The following ADAM7 variants were observed in gnomAD, a reference collection of about 807,000 sequenced individuals.
ADAM7 encodes the protein disintegrin and metalloproteinase domain-containing protein 7.
In ADAM7, 97 loss-of-function variants were observed where a neutral mutation model predicts 102.9. The observed-to-expected ratio is 0.94, with a 90% CI of 0.80 to 1.12. The LOEUF (loss-of-function observed/expected upper bound fraction) is 1.12. Ranked by LOEUF, ADAM7 falls within the 50% of genes most tolerant of loss-of-function variation. The pLI, the probability that ADAM7 is intolerant of heterozygous loss-of-function variation, is 0.00. For synonymous variants in ADAM7, 334 were observed against 304.4 expected (o/e 1.10, Z -1.01); for missense variants, 991 against 908.7 (o/e 1.09, Z -1.16).
At chr8:24,506,570 C>T (rs1368365797) in intron 20 of ADAM7, among the ~76,000 whole-genome samples, 1 of 152,122 alleles carries the variant, frequency 6.6e-6, no homozygotes, top group African/African-American at 2.4e-5. Context: ...CACTCTAGTC[C>T]TGGCCCCTGT....
rs779700956 is a variant in ADAM7 at position 24,500,260 on chromosome 8, A to G, written c.2002+4A>G. The G allele has an allele frequency of 6.2e-7, 1 of 1,603,212 alleles. No individual in the cohort carries two copies. Among genetic ancestry groups the G allele is most frequent in the Middle Eastern group, 1.7e-4 (1 of 6,020 alleles). ...GAAGAAACCTTACATGTTACCAGTGAGCATCCTAAAACAAAATCTTTCATA... is the reference window on the plus strand; with the variant it reads ...GAAGAAACCTTACATGTTACCAGTGGGCATCCTAAAACAAAATCTTTCATA... On this transcript the variant is annotated splice_donor_region_variant and intron_variant, in intron 18 of 21. Transcript: ENST00000175238.
intron 13 of ADAM7, 95 bp from the exon 14 acceptor site, chr8:24,491,808 C>CT (rs1820367568): frequency 1.2e-5 from 13 of 1,078,370 alleles, no homozygotes; most frequent in Non-Finnish European, 1.5e-5. Flanking sequence ...TCCTTAAAAC[C>CT]TTTTTTGGAT....
At chr8:24,493,345 A>T in intron 16 of ADAM7, 116 bp downstream of exon 16, 1 of 920,250 alleles carries the variant, frequency 1.1e-6, no homozygotes, top group Non-Finnish European at 1.5e-6. Context: ...AAAAATATTG[A>T]CAAGTATTTT....
At chr8:24,499,104 A>T in intron 16 of ADAM7, 132 bp from the exon 17 acceptor site, 1 of 639,352 alleles carries the variant, frequency 1.6e-6, no homozygotes. Flanking sequence ...ACTTATAATT[A>T]AATCATGTAA....
At chr8:24,492,977 A>C (rs1820419102) in intron 15 of ADAM7, 66 bp from the exon 16 acceptor site, 1 of 1,463,116 alleles carries the variant, frequency 6.8e-7, no homozygotes. Context: ...GGGAGGCTCC[A>C]TTGCCAGCCT....
At chr8:24,505,663 T>A (rs947264455) in intron 20 of ADAM7, among the ~76,000 whole-genome samples, 1 of 152,164 alleles carries the variant, frequency 6.6e-6, no homozygotes, top group Non-Finnish European at 1.5e-5. Context: ...TGCTCTGGCA[T>A]CCAGGTCCTC....
rs547501386 is a variant in ADAM7 at position 24,498,300 on chromosome 8, G to A, written c.1843-936G>A. Among the ~76,000 whole-genome samples the A allele has an allele frequency of 8.2e-4, 124 of 151,526 alleles. 4 individuals carry two copies. In the South Asian group the frequency reaches 0.024, roughly 29 times the overall value. On this transcript the variant is annotated intron_variant, in intron 16 of 21. Transcript: ENST00000175238. ...TCAAAAACTTGAATTGAGAGAAAGAGGAAAGAAGTAAAAACATGATAAATT... is the reference window on the plus strand; with the variant it reads ...TCAAAAACTTGAATTGAGAGAAAGAAGAAAGAAGTAAAAACATGATAAATT...
intron 20 of ADAM7, among the ~76,000 whole-genome samples, chr8:24,502,878 A>G (rs1820809189): frequency 6.6e-6 from 1 of 151,100 alleles, no homozygotes; most frequent in Non-Finnish European, 1.5e-5. Context: ...TTATGAGGCC[A>G]ATATTTCTCT....
At chr8:24,499,864 G>A (rs1820694242) in intron 17 of ADAM7, among the ~76,000 whole-genome samples, 2 of 150,570 alleles carry the variant, frequency 1.3e-5, no homozygotes, top group East Asian at 3.9e-4. Flanking sequence ...ATACATATCA[G>A]GTTACCATAT....
rs768260279 is a variant in ADAM7, at chr8:24,491,895, C to T, written c.1357-8C>T. On this transcript the variant is annotated splice_polypyrimidine_tract_variant and splice_region_variant and intron_variant, in intron 13 of 21. Transcript: ENST00000175238. ...CCAGGATTTAGTCTCTTTGTTTTTC[C>T]TCAACAGATAAAAAAAGCAGGGTCC... 10 of 1,585,268 alleles carry T rather than the reference C, an allele frequency of 6.3e-6. No individual in the cohort carries two copies. The Admixed American group carries it at 1.6e-4, about 26-fold the overall frequency.
chr8:24,473,595 T>C (rs779932797), intron 7 of ADAM7, among the ~76,000 whole-genome samples: 1 of 152,192 alleles, frequency 6.6e-6, no homozygotes, highest in Non-Finnish European at 1.5e-5. Context: ...TATAAAAAGA[T>C]ATAGATACCT....
In ADAM7 at chr8:24,490,849, A is replaced by T. The variant is rs146216862; in HGVS notation, c.1317A>T (p.Gly439=). ...CDAHTCVLKP[G]FTCAEGECCE... ...CACACACATGTGTACTGAAGCCAGG[A>T]TTTACTTGTGCAGAAGGAGAATGCT... is the stretch of plus-strand genomic sequence containing the variant. The change falls in exon 13 of 22, where the codon GGA becomes GGT. Residue 439 remains glycine, a synonymous_variant. Transcript: ENST00000175238. The T allele has an allele frequency of 3.7e-5, 59 of 1,613,694 alleles. No individual in the cohort carries two copies. The East Asian group carries it at 1.2e-3, about 34-fold the overall frequency.
At position 24,441,160 on chromosome 8, in the gene ADAM7, G is replaced by T. The variant is rs1292901192; in HGVS notation, c.52G>T (p.Glu18Ter). The T allele has an allele frequency of 3.1e-6, 5 of 1,611,804 alleles. No homozygotes were observed. In the East Asian group the frequency reaches 8.9e-5, roughly 29 times the overall value. ...LMILLIPQVKEKFILGVEGQQ... is the reference protein window; with the variant it reads ...LMILLIPQVK ...GATTTTACTCATTCCTCAGGTTAAA[G>T]GTATGTCTTGCTCTTTTTATCAGGA... The change falls in exon 1 of 22, where the codon GAA (glutamate) becomes TAA (stop). Residue 18 changes from glutamate (E) to a stop codon, truncating the protein, a stop_gained and splice_region_variant. Transcript: ENST00000175238. LOFTEE classifies it high-confidence loss of function.
intron 6 of ADAM7, chr8:24,467,329 CAG>C (rs1443589920): frequency 5.9e-6 from 2 of 336,154 alleles, no homozygotes; most frequent in Middle Eastern, 8.1e-4. Context: ...TTTTTTTTTG[CAG>C]AGTTATTGAT....
At position 24,447,273 on chromosome 8, in the gene ADAM7, T is replaced by TTGC; in HGVS notation, c.233+13_233+14insCTG. 1.4e-6 allele frequency: 2 copies of TTGC among 1,466,998 alleles called. No individual in the cohort carries two copies. Among genetic ancestry groups the TTGC allele is most frequent in the South Asian group, 1.3e-5 (1 of 76,640 alleles). The allele number at this position is 1,466,998 out of a possible 1,614,324, so 90.9% of individuals were successfully genotyped here. ...TCTTCTAAGATCCAGGTAAGTTCTA[T>TTGC]TGTGATTCCAGTACCTTATAGATTT... On this transcript the variant is annotated intron_variant, in intron 3 of 21. Transcript: ENST00000175238.
At position 24,475,592 on chromosome 8, in the gene ADAM7, C is replaced by T. The variant is rs146058880; in HGVS notation, c.634-841C>T. Among the ~76,000 whole-genome samples, 99 of 152,056 alleles carry T rather than the reference C, an allele frequency of 6.5e-4. 1 individual carries two copies. The highest frequency in any genetic ancestry group is 2.1e-3 in the African/African-American group (86 of 41,480). The stretch of plus-strand genomic sequence containing the variant: ...TAATCAGAGTGTAGTAGGTTGAATA[C>T]GTGGAAGATGAAGATTGAAGAGATT... On this transcript the variant is annotated intron_variant, in intron 7 of 21. Transcript: ENST00000175238.
chr8:24,475,566 A>G (rs1480816448), intron 7 of ADAM7, among the ~76,000 whole-genome samples: 1 of 152,192 alleles, frequency 6.6e-6, no homozygotes, highest in Non-Finnish European at 1.5e-5. Flanking sequence ...AGTGGCAGTT[A>G]TAATCAGAGT....
chr8:24,508,507 T>C (rs2290150), intron 21 of ADAM7, 39 bp from the exon 22 acceptor site: 516,621 of 1,597,212 alleles, frequency 0.32, 85,929 homozygotes, highest in Admixed American at 0.43. Flanking sequence ...ACAGATTTCA[T>C]AGGAAACAAT....
chr8:24,507,640 C>T (rs948251123), intron 21 of ADAM7, 105 bp downstream of exon 21: 5 of 858,426 alleles, frequency 5.8e-6, no homozygotes, highest in Non-Finnish European at 8.8e-6. Context: ...ATCCTCTGTA[C>T]TTATCACAAC....
Sources: allele counts gnomAD v4.1 joint callset (sites outside exome capture counted in the v4.1 genomes callset), GRCh38; gene constraint gnomAD v4.1.1; transcripts MANE v1.5; gene names NCBI Gene and HGNC (gene_info 2026-07-23, HGNC 2026-07-21).